The following MCTP1 variants were observed in gnomAD, a reference collection of about 807,000 sequenced individuals.
MCTP1 encodes the protein multiple C2 and transmembrane domain-containing protein 1.
MCTP1 carries 69 observed loss-of-function variants against 120.6 expected under a neutral mutation model. The observed-to-expected ratio is 0.57, with a 90% CI of 0.47 to 0.70. The LOEUF (loss-of-function observed/expected upper bound fraction) is 0.70. Ranked by LOEUF, MCTP1 falls within the 30% of genes least tolerant of loss-of-function variation. The pLI is 0.00. For synonymous variants in MCTP1, 529 were observed against 493.1 expected, an observed-to-expected ratio of 1.07 and a Z score of -0.96; for missense variants, 1,203 against 1,248.8, an observed-to-expected ratio of 0.96 and a Z score of 0.55.
chr5:94,979,705 G>C (rs1241130040), intron 2 of MCTP1: 8 of 152,048 alleles, frequency 5.3e-5, no homozygotes, highest in African/African-American at 1.9e-4. Flanking sequence ...CCAAAAGGGA[G>C]ATAGTAACAC....
At chr5:95,049,496 C>T (rs187988462) in intron 1 of MCTP1, among the ~76,000 whole-genome samples, 12 of 151,512 alleles carry the variant, frequency 7.9e-5, no homozygotes, top group African/African-American at 2.4e-4. Flanking sequence ...AGAACAAAAT[C>T]GCATCCTGAG....
At chr5:95,024,992 A>C (rs967394703) in intron 1 of MCTP1, among the ~76,000 whole-genome samples, 1 of 152,148 alleles carries the variant, frequency 6.6e-6, no homozygotes, top group African/African-American at 2.4e-5. Context: ...GTCCATACTA[A>C]TCAATGGGAT....
At chr5:95,164,468 A>C (rs1280208249) in intron 1 of MCTP1, among the ~76,000 whole-genome samples, 6 of 152,200 alleles carry the variant, frequency 3.9e-5, no homozygotes, top group Non-Finnish European at 2.9e-5. Context: ...TCATACAGCA[A>C]ATTAATTACC....
intron 1 of MCTP1, among the ~76,000 whole-genome samples, chr5:95,145,624 T>G (rs946504819): frequency 6.6e-6 from 1 of 151,736 alleles, no homozygotes; most frequent in East Asian, 1.9e-4. Flanking sequence ...ATTTCATCAG[T>G]TTTTCCACAT....
At chr5:94,868,238 C>T in intron 17 of MCTP1, 95 bp downstream of exon 17, 1 of 1,218,350 alleles carries the variant, frequency 8.2e-7, no homozygotes, top group Non-Finnish European at 1.1e-6. Context: ...TTAAAATGGC[C>T]ACATCAACAT....
intron 3 of MCTP1, among the ~76,000 whole-genome samples, chr5:94,946,870 A>G (rs1819068285): frequency 6.6e-6 from 1 of 152,146 alleles, no homozygotes; most frequent in African/African-American, 2.4e-5. Context: ...TACTGATTGC[A>G]TGGAGAAACA....
chr5:95,087,923 A>G (rs556991114), intron 1 of MCTP1, among the ~76,000 whole-genome samples: 2 of 152,274 alleles, frequency 1.3e-5, no homozygotes, highest in South Asian at 4.2e-4. Flanking sequence ...CTCAGCAGCT[A>G]GGTCTCTCCT....
chr5:94,843,587 T>C (rs572384267), intron 17 of MCTP1, among the ~76,000 whole-genome samples: 50 of 152,338 alleles, frequency 3.3e-4, no homozygotes, highest in African/African-American at 9.9e-4. Context: ...GAGGTTTTAT[T>C]TTAAACATCT....
intron 19 of MCTP1, among the ~76,000 whole-genome samples, chr5:94,716,831 G>A (rs1244072914): frequency 6.6e-6 from 1 of 151,986 alleles, no homozygotes; most frequent in African/African-American, 2.4e-5. Flanking sequence ...GAGAAAACGG[G>A]GAGAACTTAA....
intron 1 of MCTP1, among the ~76,000 whole-genome samples, chr5:95,114,251 C>T (rs981971155): frequency 6.6e-6 from 1 of 152,176 alleles, no homozygotes; most frequent in Non-Finnish European, 1.5e-5. Flanking sequence ...TTGAGAAATG[C>T]AGAAAGAAAA....
At chr5:94,926,384 A>T (rs1405275320) in intron 6 of MCTP1, among the ~76,000 whole-genome samples, 2 of 151,370 alleles carry the variant, frequency 1.3e-5, no homozygotes, top group African/African-American at 4.8e-5. Context: ...AAGAGATTAA[A>T]AAATAAATAA....
chr5:94,881,943 G>A (rs954777521), intron 12 of MCTP1, among the ~76,000 whole-genome samples: 6 of 152,018 alleles, frequency 3.9e-5, no homozygotes, highest in Non-Finnish European at 8.8e-5. Context: ...CAGCATATTT[G>A]ATGAGTCCAC....
At chr5:94,997,551 C>G (rs964117872) in intron 2 of MCTP1, among the ~76,000 whole-genome samples, 1 of 152,122 alleles carries the variant, frequency 6.6e-6, no homozygotes, top group African/African-American at 2.4e-5. Flanking sequence ...TATGCTTTCC[C>G]CTTGTCCACC....
chr5:95,004,402 T>C (rs931659033), intron 2 of MCTP1, among the ~76,000 whole-genome samples: 2 of 152,204 alleles, frequency 1.3e-5, no homozygotes, highest in African/African-American at 2.4e-5. Flanking sequence ...CTGTAGAAAT[T>C]TGCATAAGAG....
At chr5:94,923,184 C>T (rs1812147246) in intron 7 of MCTP1, among the ~76,000 whole-genome samples, 1 of 151,922 alleles carries the variant, frequency 6.6e-6, no homozygotes, top group East Asian at 1.9e-4. Context: ...GAAAAGTTTG[C>T]GAGTTAAGAA....
chr5:94,999,146 C>T (rs1364808329), intron 2 of MCTP1, among the ~76,000 whole-genome samples: 1 of 152,130 alleles, frequency 6.6e-6, no homozygotes, highest in Non-Finnish European at 1.5e-5. Flanking sequence ...CAATAGGTAA[C>T]TAAATCCCTA....
In MCTP1 at chr5:94,799,072, G is replaced by C; in HGVS notation, c.2497C>G (p.Leu833Val). 21 of 1,611,964 alleles carry C rather than the reference G, an allele frequency of 1.3e-5. No individual in the cohort carries two copies. Among genetic ancestry groups the C allele is most frequent in the Non-Finnish European group, 1.8e-5 (21 of 1,178,508 alleles). The change falls in exon 18 of 23, where the codon CTA (leucine) becomes GTA (valine). Residue 833 changes from leucine (L) to valine (V), a missense_variant. Coordinates refer to ENST00000515393, the MANE Select transcript of MCTP1 (RefSeq NM_024717.7). ...LYMIPLVLLL[L>V]LTWNYFLIIS... is the part of the protein sequence containing the mutation. ...ATCAAGAAGTAGTTCCATGTCAATAGTAACAACAAAACCAGTGGTATCATG... is the reference window on the plus strand; with the variant it reads ...ATCAAGAAGTAGTTCCATGTCAATACTAACAACAAAACCAGTGGTATCATG...
chr5:94,947,787 T>A (rs1281303553), intron 3 of MCTP1, among the ~76,000 whole-genome samples: 1 of 125,434 alleles, frequency 8.0e-6, no homozygotes, highest in Non-Finnish European at 1.8e-5. Flanking sequence ...GGCTTTAAAA[T>A]TTTTTTTTTT....
chr5:95,013,485 G>A (rs1836444409), intron 2 of MCTP1, among the ~76,000 whole-genome samples: 1 of 152,166 alleles, frequency 6.6e-6, no homozygotes, highest in Middle Eastern at 3.4e-3. Flanking sequence ...CTCATGTTAG[G>A]GGCTAATGCA....
Sources: allele counts gnomAD v4.1 joint callset (sites outside exome capture counted in the v4.1 genomes callset), GRCh38; gene constraint gnomAD v4.1.1; transcripts MANE v1.5; gene names NCBI Gene and HGNC (gene_info 2026-07-23, HGNC 2026-07-21).